The following DENND2C variants were observed in gnomAD, a reference collection of about 807,000 sequenced individuals.
The protein encoded by DENND2C is DENN domain containing 2C.
DENND2C carries 72 observed loss-of-function variants against 112.4 expected under a neutral mutation model. The ratio of observed to expected loss-of-function variants is 0.64; its 90% CI spans 0.53 to 0.78. The LOEUF is 0.78. Among genes scored for constraint, DENND2C ranks in the 30% least tolerant of loss-of-function variants. The pLI is 0.00. For synonymous variants in DENND2C, 329 were observed against 381.6 expected, an observed-to-expected ratio of 0.86 and a Z score of 1.61; for missense variants, 992 against 1,113.8, an observed-to-expected ratio of 0.89 and a Z score of 1.56.
intron 4 of DENND2C, 133 bp downstream of exon 4, chr1:114,625,046 T>A: frequency 1.2e-6 from 1 of 824,552 alleles, no homozygotes; most frequent in Non-Finnish European, 1.8e-6. Flanking sequence ...TCCACATTAA[T>A]CAACACCTGC....
At chr1:114,654,945 A>G (rs1657268550) in intron 1 of DENND2C, among the ~76,000 whole-genome samples, 184 bp from the exon 2 acceptor site, 1 of 152,180 alleles carries the variant, frequency 6.6e-6, no homozygotes, top group Non-Finnish European at 1.5e-5. Context: ...AAAACGCTCT[A>G]TTTAAGCAGC....
intron 3 of DENND2C, among the ~76,000 whole-genome samples, chr1:114,641,905 CACTAA>C (rs531787898): frequency 6.6e-6 from 1 of 151,950 alleles, no homozygotes; most frequent in Non-Finnish European, 1.5e-5. Context: ...ATAATTTTGC[CACTAA>C]ACTAGTTTCC....
intron 1 of DENND2C, among the ~76,000 whole-genome samples, chr1:114,669,188 T>C (rs539755477): frequency 6.6e-6 from 1 of 152,348 alleles, no homozygotes; most frequent in East Asian, 1.9e-4. Flanking sequence ...CAAGTAGTAG[T>C]TGCTTCACAG....
intron 5 of DENND2C, 92 bp from the exon 6 acceptor site, chr1:114,623,191 T>C: frequency 8.2e-7 from 1 of 1,214,176 alleles, no homozygotes; most frequent in African/African-American, 1.5e-5. Flanking sequence ...CTAACTATGT[T>C]CAGCTTTCTT....
In DENND2C at chr1:114,600,969, G is replaced by A. The variant is rs997820377; in HGVS notation, c.1816-9C>T. On this transcript the variant is annotated splice_polypyrimidine_tract_variant and intron_variant, in intron 13 of 20. Coordinates refer to ENST00000393274, the MANE Select transcript of DENND2C (RefSeq NM_001256404.2). ...TCTACTTCATCCAGAATCTATATACGCAAAGTGTTATTTTATTATGGACTA... is the reference window on the plus strand; with the variant it reads ...TCTACTTCATCCAGAATCTATATACACAAAGTGTTATTTTATTATGGACTA... The A allele has an allele frequency of 3.1e-6, 5 of 1,607,676 alleles. No individual in the cohort carries two copies. The highest frequency in any genetic ancestry group is 4.2e-6 in the Non-Finnish European group (5 of 1,176,966).
intron 11 of DENND2C, among the ~76,000 whole-genome samples, chr1:114,603,190 G>C (rs912162767): frequency 2.6e-5 from 4 of 151,680 alleles, no homozygotes; most frequent in Middle Eastern, 3.4e-3. Context: ...GCCCAGGCTG[G>C]AGTGCAGTGG....
chr1:114,634,300 T>A (rs1038663275), intron 3 of DENND2C, among the ~76,000 whole-genome samples: 2 of 152,184 alleles, frequency 1.3e-5, no homozygotes, highest in Non-Finnish European at 2.9e-5. Context: ...TAGAACACTT[T>A]ACTCAACAAA....
At chr1:114,640,987 T>C (rs1415274535) in intron 3 of DENND2C, among the ~76,000 whole-genome samples, 1 of 152,208 alleles carries the variant, frequency 6.6e-6, no homozygotes, top group African/African-American at 2.4e-5. Context: ...ATTATTAGCT[T>C]GACAATGCAC....
intron 7 of DENND2C, among the ~76,000 whole-genome samples, chr1:114,620,511 C>T (rs1656135787): frequency 6.6e-6 from 1 of 152,062 alleles, no homozygotes; most frequent in African/African-American, 2.4e-5. Flanking sequence ...TTGTTAATGC[C>T]ATTATAAGAA....
chr1:114,592,665 A>C (rs536705912), intron 18 of DENND2C, among the ~76,000 whole-genome samples: 1 of 152,316 alleles, frequency 6.6e-6, no homozygotes, highest in Admixed American at 6.5e-5. Flanking sequence ...AGCTGCAGTG[A>C]GCTATGATCG....
chr1:114,639,786 T>C (rs1656770635), intron 3 of DENND2C, among the ~76,000 whole-genome samples: 1 of 151,494 alleles, frequency 6.6e-6, no homozygotes, highest in Non-Finnish European at 1.5e-5. Context: ...CTCGGCTCAC[T>C]GCAACTTCGG....
At chr1:114,645,582 TAGA>T (rs1443039205) in intron 2 of DENND2C, 23 bp from the exon 3 acceptor site, 2 of 152,102 alleles carry the variant, frequency 1.3e-5, no homozygotes, top group African/African-American at 4.8e-5. Context: ...GCCACAGTAA[TAGA>T]AAAAGATAAC....
intron 9 of DENND2C, among the ~76,000 whole-genome samples, chr1:114,609,847 A>T (rs1318662356): frequency 6.6e-6 from 1 of 152,236 alleles, no homozygotes; most frequent in East Asian, 1.9e-4. Flanking sequence ...TATCCAGTAC[A>T]TTCAGTGCTC....
At chr1:114,626,762 T>G (rs1005775126) in intron 3 of DENND2C, among the ~76,000 whole-genome samples, 1 of 152,164 alleles carries the variant, frequency 6.6e-6, no homozygotes, top group South Asian at 2.1e-4. Flanking sequence ...ATCCACCCCC[T>G]TGGCCTCCAA....
chr1:114,664,423 G>A (rs1304955618), intron 1 of DENND2C, among the ~76,000 whole-genome samples: 1 of 151,722 alleles, frequency 6.6e-6, no homozygotes, highest in East Asian at 1.9e-4. Context: ...GATCAGAATG[G>A]GCAACACAGT....
At chr1:114,634,917 A>C (rs920747906) in intron 3 of DENND2C, among the ~76,000 whole-genome samples, 1 of 151,516 alleles carries the variant, frequency 6.6e-6, no homozygotes, top group Non-Finnish European at 1.5e-5. Context: ...AATCCCAGCT[A>C]CTGGGGAGGC....
At chr1:114,634,142 G>T (rs1016370009) in intron 3 of DENND2C, among the ~76,000 whole-genome samples, 3 of 152,132 alleles carry the variant, frequency 2.0e-5, no homozygotes, top group African/African-American at 7.2e-5. Context: ...GAAAATATCA[G>T]AACTAAAAAG....
At chr1:114,603,812 C>T (rs1187034976) in intron 11 of DENND2C, among the ~76,000 whole-genome samples, 1 of 152,062 alleles carries the variant, frequency 6.6e-6, no homozygotes, top group Non-Finnish European at 1.5e-5. Context: ...GCTAGGATTA[C>T]AGGTGTGAGC....
Position 114,585,458 on chromosome 1 carries a change from C to A in DENND2C, c.*142G>T. 1 of 795,408 alleles carries A rather than the reference C, an allele frequency of 1.3e-6. No individual in the cohort carries two copies. Among genetic ancestry groups the A allele is most frequent in the Admixed American group, 2.6e-5 (1 of 38,288 alleles). 49.3% of individuals were successfully genotyped at this position (795,408 alleles called of 1,614,324 possible). A position where few individuals can be genotyped will look rare whatever the true frequency, so the allele number is the denominator to read the frequency against. ...ATTACTACAGCAGCAACAGGAGAAT[C>A]CTCCTCTAACAGCCTGACTCGCTCT... On this transcript the variant is annotated 3_prime_UTR_variant, in exon 21 of 21. Coordinates refer to ENST00000393274, the MANE Select transcript of DENND2C (RefSeq NM_001256404.2).
Sources: gnomAD v4.1 joint callset for allele counts (sites outside exome capture counted in the v4.1 genomes callset) on GRCh38, gnomAD v4.1.1 for gene constraint, MANE v1.5 for transcripts, NCBI Gene and HGNC (gene_info 2026-07-23, HGNC 2026-07-21) for gene names.